NAV3: variants seen among roughly 807,000 people sequenced by gnomAD.
The protein encoded by NAV3 is pore membrane and/or filament interacting like protein 1.
Under a neutral mutation model 244.7 loss-of-function variants are expected in NAV3, and 87 were observed. The observed-to-expected ratio is 0.36, with a 90% confidence interval of 0.30 to 0.42. The LOEUF (loss-of-function observed/expected upper bound fraction) is 0.42. NAV3 is among the 20% of genes least tolerant of loss of function. The probability of loss-of-function intolerance (pLI) is 1.00; values close to 1 mark genes in which losing one functional copy is unlikely to be tolerated. For synonymous variants in NAV3, 1,126 were observed against 1,042.2 expected (o/e 1.08, Z -1.55); for missense variants, 2,663 against 2,893.3 (o/e 0.92, Z 1.83).
rs1469115403 is a variant in NAV3, at chr12:78,083,686, CCTT to C, written c.2636+24574_2636+24576del. ...GAACTTGTCCTTAGTGAAAACTTCACCTTCTCCATTCAAACAGGGTTGAGTATC... is the reference window on the plus strand; with the variant it reads ...GAACTTGTCCTTAGTGAAAACTTCACCTCCATTCAAACAGGGTTGAGTATC... On this transcript the variant is annotated intron_variant, in intron 12 of 39. Coordinates refer to ENST00000397909, the MANE Select transcript of NAV3 (RefSeq NM_001024383.2). Among the ~76,000 whole-genome samples the C allele has an allele frequency of 2.0e-5, 3 of 152,258 alleles. No homozygotes were observed. The East Asian group carries it at 5.8e-4, about 30-fold the overall frequency.
chr12:77,594,972 TG>T lies in NAV3; in HGVS notation c.72+22708del, dbSNP rs545923904. ...CATTGTTGGTGCGCATATAAATTAG[TG>T]GCCATTATGGAAAAAAAGTATGGAG... On this transcript the variant is annotated intron_variant, in intron 2 of 8. Coordinates refer to the NAV3 transcript ENST00000550042. 4.4e-4 allele frequency among the ~76,000 whole-genome samples: 67 copies of T among 152,240 alleles called. 2 individuals carry two copies. Among genetic ancestry groups the T allele is most frequent in the Admixed American group, 2.7e-3 (42 of 15,288 alleles).
chr12:77,776,340 T>C (rs1001098978), intron 2 of NAV3, among the ~76,000 whole-genome samples: 5 of 152,238 alleles, frequency 3.3e-5, no homozygotes, highest in African/African-American at 1.2e-4. Flanking sequence ...TTTGTATACA[T>C]GTTGAAATCT....
At chr12:77,657,114 A>G (rs190116767) in intron 2 of NAV3, among the ~76,000 whole-genome samples, 206 of 152,332 alleles carry the variant, frequency 1.4e-3, no homozygotes, top group African/African-American at 4.5e-3. Context: ...ATCAGAGCAG[A>G]ACTGAAGGAA....
chr12:77,708,003 T>C (rs1875913003), intron 2 of NAV3, among the ~76,000 whole-genome samples: 1 of 152,234 alleles, frequency 6.6e-6, no homozygotes, highest in Admixed American at 6.5e-5. Context: ...TCCCATTCTG[T>C]AGGTTGCCTG....
At chr12:78,098,009 C>G (rs1027559652) in intron 12 of NAV3, among the ~76,000 whole-genome samples, 2 of 152,056 alleles carry the variant, frequency 1.3e-5, no homozygotes, top group Non-Finnish European at 2.9e-5. Flanking sequence ...ACGCCTATAA[C>G]TAAATTCTCA....
intron 2 of NAV3, among the ~76,000 whole-genome samples, chr12:77,813,325 G>A (rs1165855677): frequency 6.6e-6 from 1 of 152,124 alleles, no homozygotes; most frequent in African/African-American, 2.4e-5. Context: ...TACTGTCTTG[G>A]TGGAACTATA....
intron 22 of NAV3, among the ~76,000 whole-genome samples, chr12:78,151,878 A>G (rs1330524524): frequency 6.6e-6 from 1 of 151,004 alleles, no homozygotes; most frequent in Non-Finnish European, 1.5e-5. Context: ...TAAAATATAT[A>G]ATGTATTAAA....
intron 34 of NAV3, among the ~76,000 whole-genome samples, chr12:78,196,167 AT>A (rs948073631): frequency 2.0e-5 from 3 of 152,138 alleles, no homozygotes; most frequent in African/African-American, 7.2e-5. Flanking sequence ...TTTTAAACAT[AT>A]TTTTTTCTGC....
intron 7 of NAV3, among the ~76,000 whole-genome samples, chr12:78,000,315 A>G (rs1241839393): frequency 6.6e-6 from 1 of 152,050 alleles, no homozygotes; most frequent in African/African-American, 2.4e-5. Context: ...ATACGATATA[A>G]TAAAGACATC....
At chr12:77,954,928 C>T (rs1041122633) in intron 3 of NAV3, among the ~76,000 whole-genome samples, 1 of 152,068 alleles carries the variant, frequency 6.6e-6, no homozygotes, top group African/African-American at 2.4e-5. Context: ...CTGATCATTT[C>T]CCTTTTTTGA....
At chr12:78,184,124 G>A (rs1424456423) in intron 30 of NAV3, among the ~76,000 whole-genome samples, 1 of 151,742 alleles carries the variant, frequency 6.6e-6, no homozygotes, top group East Asian at 1.9e-4. Context: ...TTAGCAGAGT[G>A]CTTAAACTAT....
intron 38 of NAV3, 81 bp downstream of exon 38, chr12:78,200,672 C>A: frequency 1.3e-6 from 1 of 747,990 alleles, no homozygotes; most frequent in South Asian, 3.2e-5. Context: ...AAAAAAATAT[C>A]TGGGTATTTA....
chr12:77,591,730 A>G (rs917606519), intron 2 of NAV3, among the ~76,000 whole-genome samples: 2 of 152,238 alleles, frequency 1.3e-5, no homozygotes, highest in Non-Finnish European at 1.5e-5. Context: ...ATAAAGATGT[A>G]TGCCCATGTA....
At chr12:77,678,189 T>C (rs1565767995) in intron 2 of NAV3, among the ~76,000 whole-genome samples, 1 of 152,168 alleles carries the variant, frequency 6.6e-6, no homozygotes, top group Non-Finnish European at 1.5e-5. Context: ...ATGGAAGTGG[T>C]ACATTAGGAG....
At chr12:77,931,410 TA>T (rs1888775850) in intron 1 of NAV3, among the ~76,000 whole-genome samples, 2 of 126,250 alleles carry the variant, frequency 1.6e-5, no homozygotes, top group Non-Finnish European at 3.4e-5. Context: ...TCTAGGGTAT[TA>T]ATTTTAATTT....
At chr12:77,582,959 A>G (rs541205941) in intron 2 of NAV3, among the ~76,000 whole-genome samples, 2 of 152,350 alleles carry the variant, frequency 1.3e-5, no homozygotes, top group African/African-American at 2.4e-5. Context: ...CTGACACACA[A>G]TGAGGGTAAG....
At chr12:77,897,328 G>A (rs951275462) in intron 1 of NAV3, among the ~76,000 whole-genome samples, 1 of 152,174 alleles carries the variant, frequency 6.6e-6, no homozygotes. Context: ...AGCAGTTTCA[G>A]TAAATGATTA....
intron 12 of NAV3, among the ~76,000 whole-genome samples, chr12:78,101,589 T>C (rs183617904): frequency 6.6e-6 from 1 of 152,298 alleles, no homozygotes; most frequent in Admixed American, 6.5e-5. Context: ...TGACTTGTGC[T>C]TTTCTTCATG....
chr12:77,588,288 A>AT (rs139966995), intron 2 of NAV3, among the ~76,000 whole-genome samples: 30,887 of 148,974 alleles, frequency 0.21, 3,579 homozygotes, highest in Middle Eastern at 0.29. Flanking sequence ...TGATTTTTTT[A>AT]TTTTTTTTTT....
Sources: gnomAD v4.1 joint callset for allele counts (sites outside exome capture counted in the v4.1 genomes callset) on GRCh38, gnomAD v4.1.1 for gene constraint, MANE v1.5 for transcripts, NCBI Gene and HGNC (gene_info 2026-07-23, HGNC 2026-07-21) for gene names.